The following CHCHD3 variants were observed in gnomAD, a reference collection of about 807,000 sequenced individuals.
CHCHD3 encodes the protein coiled-coil-helix-coiled-coil-helix domain containing 3.
CHCHD3 carries 20 observed loss-of-function variants against 38.2 expected under a neutral mutation model. The ratio of observed to expected loss-of-function variants is 0.52; its 90% CI spans 0.37 to 0.76. The LOEUF (loss-of-function observed/expected upper bound fraction) is 0.76, where lower values mean the gene tolerates loss of function less well. Among genes scored for constraint, CHCHD3 ranks in the 30% least tolerant of loss-of-function variants. CHCHD3 has a pLI of 0.00. For synonymous variants in CHCHD3, 82 were observed against 100.0 expected (o/e 0.82, Z 1.07); for missense variants, 245 against 279.2 (o/e 0.88, Z 0.87).
intron 4 of CHCHD3, among the ~76,000 whole-genome samples, chr7:132,974,946 T>G (rs1347230705): frequency 6.6e-6 from 1 of 152,190 alleles, no homozygotes; most frequent in Non-Finnish European, 1.5e-5. Context: ...TACACATGTC[T>G]GCATGTTGGT....
At chr7:132,796,914 C>T (rs1470053195) in intron 6 of CHCHD3, among the ~76,000 whole-genome samples, 1 of 152,154 alleles carries the variant, frequency 6.6e-6, no homozygotes, top group Non-Finnish European at 1.5e-5. Context: ...TCCACTTGGT[C>T]ACAAAGTTGG....
intron 4 of CHCHD3, among the ~76,000 whole-genome samples, chr7:132,904,418 C>T (rs1585623479): frequency 6.6e-6 from 1 of 152,172 alleles, no homozygotes; most frequent in East Asian, 1.9e-4. Context: ...TTCTGACTCA[C>T]ATTTTAAAGT....
intron 2 of CHCHD3, among the ~76,000 whole-genome samples, chr7:133,037,154 G>T (rs1403073380): frequency 6.6e-6 from 1 of 152,134 alleles, no homozygotes; most frequent in Non-Finnish European, 1.5e-5. Context: ...GAGACCAAAG[G>T]TTAAAGTAAA....
chr7:132,906,548 C>G (rs1367000928), intron 4 of CHCHD3, among the ~76,000 whole-genome samples: 1 of 152,140 alleles, frequency 6.6e-6, no homozygotes, highest in Non-Finnish European at 1.5e-5. Context: ...ATTATTAAAA[C>G]CAAACACGGT....
intron 3 of CHCHD3, among the ~76,000 whole-genome samples, chr7:133,021,396 G>A (rs567677292): frequency 1.3e-5 from 2 of 152,246 alleles, no homozygotes; most frequent in South Asian, 4.1e-4. Context: ...ATGATTTCCT[G>A]CTGGGGAACT....
intron 6 of CHCHD3, among the ~76,000 whole-genome samples, chr7:132,837,076 A>G (rs1807803487): frequency 6.6e-6 from 1 of 152,170 alleles, no homozygotes; most frequent in African/African-American, 2.4e-5. Context: ...ACTCTTCTTA[A>G]AGGCTCAACT....
chr7:132,903,050 T>C (rs1241357402), intron 4 of CHCHD3, among the ~76,000 whole-genome samples: 3 of 152,298 alleles, frequency 2.0e-5, no homozygotes, highest in East Asian at 3.9e-4. Flanking sequence ...TGTAACTATA[T>C]AATCACACTA....
At chr7:132,845,256 T>C (rs1479406557) in intron 5 of CHCHD3, 2 of 152,216 alleles carry the variant, frequency 1.3e-5, no homozygotes, top group African/African-American at 4.8e-5. Context: ...TGTAAAACTC[T>C]TTGTAGCACC....
At chr7:132,841,585 C>A (rs746800070) in intron 5 of CHCHD3, among the ~76,000 whole-genome samples, 1 of 152,164 alleles carries the variant, frequency 6.6e-6, no homozygotes, top group African/African-American at 2.4e-5. Flanking sequence ...CTGATCAGTA[C>A]GATGTACCTT....
intron 3 of CHCHD3, among the ~76,000 whole-genome samples, chr7:133,014,329 C>CAAAAAA (rs35895641): frequency 8.2e-6 from 1 of 121,466 alleles, no homozygotes; most frequent in Non-Finnish European, 1.8e-5. Context: ...GGGGATAACT[C>CAAAAAA]AAAAAAAAAA....
intron 1 of CHCHD3, among the ~76,000 whole-genome samples, chr7:133,076,860 T>C (rs1193388741): frequency 6.6e-6 from 1 of 152,220 alleles, no homozygotes; most frequent in African/African-American, 2.4e-5. Context: ...CCTGCCTCCA[T>C]TAGTTTATCT....
intron 5 of CHCHD3, among the ~76,000 whole-genome samples, chr7:132,882,737 TA>T (rs1389606965): frequency 6.6e-6 from 1 of 152,116 alleles, no homozygotes; most frequent in Non-Finnish European, 1.5e-5. Flanking sequence ...GGCAAGTTTA[TA>T]AGGTACCTAA....
intron 4 of CHCHD3, among the ~76,000 whole-genome samples, chr7:132,958,418 A>G (rs2117301359): frequency 6.6e-6 from 1 of 152,352 alleles, no homozygotes; most frequent in Admixed American, 6.5e-5. Flanking sequence ...ATAATAAAAA[A>G]AATAGAAGTA....
intron 4 of CHCHD3, among the ~76,000 whole-genome samples, chr7:132,968,196 G>A (rs145761722): frequency 6.6e-6 from 1 of 152,140 alleles, no homozygotes; most frequent in African/African-American, 2.4e-5. Context: ...GAACACAAAG[G>A]AGAAAACAGA....
chr7:132,881,956 T>C (rs1809069349), intron 5 of CHCHD3, among the ~76,000 whole-genome samples: 2 of 152,144 alleles, frequency 1.3e-5, no homozygotes, highest in South Asian at 4.1e-4. Flanking sequence ...AAAATTCAAC[T>C]TGAGTACTTT....
At chr7:132,950,927 G>A (rs1043499487) in intron 4 of CHCHD3, among the ~76,000 whole-genome samples, 3 of 152,162 alleles carry the variant, frequency 2.0e-5, no homozygotes, top group African/African-American at 7.2e-5. Flanking sequence ...GTATGCTAAT[G>A]ACTCTGAATT....
chr7:133,061,895 TAC>T (rs1456436199), intron 2 of CHCHD3, among the ~76,000 whole-genome samples: 1 of 152,142 alleles, frequency 6.6e-6, no homozygotes, highest in Non-Finnish European at 1.5e-5. Flanking sequence ...AATACTCAAG[TAC>T]AGTGACAGCT....
At chr7:133,026,719 T>C (rs1018488431) in intron 2 of CHCHD3, among the ~76,000 whole-genome samples, 2 of 152,140 alleles carry the variant, frequency 1.3e-5, no homozygotes, top group Admixed American at 6.5e-5. Flanking sequence ...TACTGATACA[T>C]GCTACAACAT....
At chr7:132,954,175 G>A (rs1327163798) in intron 4 of CHCHD3, among the ~76,000 whole-genome samples, 3 of 152,012 alleles carry the variant, frequency 2.0e-5, no homozygotes, top group African/African-American at 7.2e-5. Flanking sequence ...GGCACATGGG[G>A]GTCCGCCTTG....
Sources: gnomAD v4.1 joint callset for allele counts (sites outside exome capture counted in the v4.1 genomes callset) on GRCh38, gnomAD v4.1.1 for gene constraint, MANE v1.5 for transcripts, NCBI Gene and HGNC (gene_info 2026-07-23, HGNC 2026-07-21) for gene names.